The following SRRM2 variants were observed in gnomAD, a reference collection of about 807,000 sequenced individuals.
SRRM2 encodes serine/arginine repetitive matrix 2.
Under a neutral mutation model 213.8 loss-of-function variants are expected in SRRM2, and 30 were observed. The observed-to-expected ratio is 0.14, with a 90% confidence interval of 0.10 to 0.19. SRRM2 has a LOEUF of 0.19. SRRM2 is among the 10% of genes least tolerant of loss of function. The pLI, the probability that SRRM2 is intolerant of heterozygous loss-of-function variation, is 1.00. For synonymous variants in SRRM2, 2,025 were observed against 1,377.7 expected, an observed-to-expected ratio of 1.47 and a Z score of -10.40; for missense variants, 4,904 against 3,647.0, an observed-to-expected ratio of 1.34 and a Z score of -8.88.
rs909424015 is a variant in SRRM2, at chr16:2,769,655, C to T, written c.8021+371C>T. 7.4e-6 allele frequency: 4 copies of T among 541,932 alleles called. No individual in the cohort carries two copies. In the African/African-American group the frequency reaches 7.5e-5, roughly 10 times the overall value. 33.6% of individuals were successfully genotyped at this position (541,932 alleles called of 1,614,324 possible). Reference sequence around the variant, plus strand: ...TCCTCCCTGTCTCCCCGTCTCCACGCCATTCTCTTCCACATGTAGCCAGAG... The same window carrying T: ...TCCTCCCTGTCTCCCCGTCTCCACGTCATTCTCTTCCACATGTAGCCAGAG... On this transcript the variant is annotated intron_variant, in intron 12 of 14. Transcript: ENST00000301740.
In SRRM2 at chr16:2,763,342, T is replaced by G. The variant is rs747578054; in HGVS notation, c.2814T>G (p.Pro938=). 25 of 1,614,020 alleles carry G rather than the reference T, an allele frequency of 1.5e-5. No individual in the cohort carries two copies. The highest frequency in any genetic ancestry group is 2.0e-5 in the Non-Finnish European group (24 of 1,180,040). The change falls in exon 11 of 15, where the codon CCT becomes CCG. Residue 938 remains proline (P), a synonymous_variant. Coordinates refer to ENST00000301740, the MANE Select transcript of SRRM2 (RefSeq NM_016333.4). ...RSHSGSSSPS[P]SRVTSRTTPR... ...ATTCTGGCTCCTCTTCTCCAAGTCC[T>G]AGTAGGGTGACGTCGAGAACAACTC...
Position 2,759,185 on chromosome 16 carries a change from T to A in SRRM2, c.689+13T>A. ...AACGTAAGCATAGGTAAGAGCTCTT[T>A]AACTCATAGGGGGCGCAGTGGCATG... On this transcript the variant is annotated intron_variant, in intron 7 of 14. Transcript: ENST00000301740. The A allele has an allele frequency of 6.2e-7, 1 of 1,614,060 alleles. No individual in the cohort carries two copies. The highest frequency in any genetic ancestry group is 8.5e-7 in the Non-Finnish European group (1 of 1,180,008).
At chr16:2,754,394 A>G (rs1010698008) in intron 1 of SRRM2, among the ~76,000 whole-genome samples, 1 of 152,030 alleles carries the variant, frequency 6.6e-6, no homozygotes, top group Non-Finnish European at 1.5e-5. Context: ...CCCGGGTTCA[A>G]GCGATTCTCC....
rs1424737444 is a variant in SRRM2 at position 2,762,529 on chromosome 16, C to T, written c.2001C>T (p.Gly667=). 3 of 1,613,832 alleles carry T rather than the reference C, an allele frequency of 1.9e-6. No individual in the cohort carries two copies. The highest frequency in any genetic ancestry group is 2.2e-5 in the South Asian group (2 of 91,062). ...RSRSRTPARR[G]RSRSRTPARR... is the part of the protein sequence containing the mutation. The stretch of plus-strand genomic sequence containing the variant: ...GCTCCAGAACCCCAGCCAGACGTGG[C>T]CGCTCACGCTCTAGAACCCCAGCTA... The change falls in exon 11 of 15, where the codon GGC becomes GGT. Residue 667 remains glycine (G), a synonymous_variant. Coordinates refer to ENST00000301740, the MANE Select transcript of SRRM2 (RefSeq NM_016333.4).
chr16:2,762,279 C>T lies in SRRM2; in HGVS notation c.1751C>T (p.Ser584Phe). ...RSRTPARRGRSRSRTPARRRS... is the reference protein window; with the variant it reads ...RSRTPARRGRFRSRTPARRRS... The stretch of plus-strand genomic sequence containing the variant: ...AGAACACCAGCCCGCCGGGGCAGGT[C>T]CCGCTCTAGAACACCTGCCAGGCGG... Residue 584 changes from serine (S) to phenylalanine (F), a missense_variant, in exon 11 of 15, where the codon TCC becomes TTC. Ser to Phe is a radical substitution (Grantham distance 155). Transcript: ENST00000301740. 1 of 1,614,108 alleles carries T rather than the reference C, an allele frequency of 6.2e-7. No individual in the cohort carries two copies. Among genetic ancestry groups the T allele is most frequent in the Non-Finnish European group, 8.5e-7 (1 of 1,180,008 alleles).
At position 2,759,660 on chromosome 16, in the gene SRRM2, C is replaced by A. The variant is rs781222683; in HGVS notation, c.832C>A (p.Arg278=). The A allele has an allele frequency of 6.2e-7, 1 of 1,613,384 alleles. No homozygotes were observed. The highest frequency in any genetic ancestry group is 8.5e-7 in the Non-Finnish European group (1 of 1,179,550). ...SASSSDTSRS[R]SRSAAAKTHT... ...TTCCTCCTCCGATACTTCCCGCAGT[C>A]GGTAAGGGGTAGTCCAGGAGGAAGG... The change falls in exon 9 of 15, where the codon CGG becomes AGG. Residue 278 remains arginine (R), a splice_region_variant and synonymous_variant. Coordinates refer to ENST00000301740, the MANE Select transcript of SRRM2 (RefSeq NM_016333.4).
rs374070040 is a variant in SRRM2 at position 2,760,306 on chromosome 16, G to C, written c.839G>C (p.Arg280Pro). The C allele has an allele frequency of 6.2e-7, 1 of 1,612,998 alleles. No individual in the cohort carries two copies. Among genetic ancestry groups the C allele is most frequent in the Non-Finnish European group, 8.5e-7 (1 of 1,179,894 alleles). The stretch of plus-strand genomic sequence containing the variant: ...TCCTCAATTAACTCCTGCAGGTCTC[G>C]AAGTGCTGCAGCTAAAACTCATACA... ...SSSDTSRSRS[R>P]SAAAKTHTTA... Residue 280 changes from arginine to proline, a missense_variant, in exon 10 of 15, where the codon CGA becomes CCA. Transcript: ENST00000301740.
chr16:2,770,962 T>C lies in SRRM2; in HGVS notation c.*95T>C. ...GAGCCGTGGGAGGGTCCTTGTCTGC[T>C]CTCCTTTGAACCTTGGCAGCCCTTG... is the stretch of plus-strand genomic sequence containing the variant. On this transcript the variant is annotated 3_prime_UTR_variant, in exon 15 of 15. Coordinates refer to ENST00000301740, the MANE Select transcript of SRRM2 (RefSeq NM_016333.4). 2.6e-6 allele frequency: 4 copies of C among 1,536,048 alleles called. No homozygotes were observed. Among genetic ancestry groups the C allele is most frequent in the Non-Finnish European group, 3.6e-6 (4 of 1,120,116 alleles).
At position 2,763,743 on chromosome 16, in the gene SRRM2, C is replaced by T. The variant is rs2068444865; in HGVS notation, c.3215C>T (p.Ser1072Leu). 6.2e-7 allele frequency: 1 copy of T among 1,614,190 alleles called. No individual in the cohort carries two copies. The highest frequency in any genetic ancestry group is 8.5e-7 in the Non-Finnish European group (1 of 1,180,036). The change falls in exon 11 of 15, where the codon TCA (serine) becomes TTA (leucine). Residue 1072 changes from serine to leucine, a missense_variant. By Grantham distance (145) the Ser-to-Leu change is moderately radical. Coordinates refer to ENST00000301740, the MANE Select transcript of SRRM2 (RefSeq NM_016333.4). ...QTSPDHRSDTSSPEVRQSHSE... is the reference protein window; with the variant it reads ...QTSPDHRSDTLSPEVRQSHSE... ...TCACCAGACCACAGATCTGATACTTCAAGTCCAGAAGTGAGACAGAGTCAT... is the reference window on the plus strand; with the variant it reads ...TCACCAGACCACAGATCTGATACTTTAAGTCCAGAAGTGAGACAGAGTCAT...
At position 2,767,906 on chromosome 16, in the gene SRRM2, C is replaced by T. The variant is rs370096638; in HGVS notation, c.7378C>T (p.Arg2460Cys). Residue 2460 changes from arginine to cysteine, a missense_variant, in exon 11 of 15, where the codon CGT becomes TGT. Transcript: ENST00000301740. The part of the protein sequence containing the change: ...PVPSAFSDQS[R>C]CLIAQTTPVA... ...GCCTTCTGCTTTTTCAGACCAATCCCGTTGTTTGATTGCCCAGACCACCCC... is the reference window on the plus strand; with the variant it reads ...GCCTTCTGCTTTTTCAGACCAATCCTGTTGTTTGATTGCCCAGACCACCCC... 55 of 1,614,162 alleles carry T rather than the reference C, an allele frequency of 3.4e-5. No homozygotes were observed. The Middle Eastern group carries it at 1.2e-3, about 34-fold the overall frequency.
Position 2,767,811 on chromosome 16 carries a change from C to A in SRRM2, c.7283C>A (p.Ser2428Tyr). ...ACCTCTGAACGGGCTCCCTCCCCTTCCTCTAGAATGGGCCAGGCTCCTTCA... is the reference window on the plus strand; with the variant it reads ...ACCTCTGAACGGGCTCCCTCCCCTTACTCTAGAATGGGCCAGGCTCCTTCA... ...RMTSERAPSPSSRMGQAPSQS... is the reference protein window; with the variant it reads ...RMTSERAPSPYSRMGQAPSQS... Residue 2428 changes from serine to tyrosine, a missense_variant, in exon 11 of 15, where the codon TCC (serine) becomes TAC (tyrosine). Transcript: ENST00000301740. 1 of 1,614,060 alleles carries A rather than the reference C, an allele frequency of 6.2e-7. No individual in the cohort carries two copies. The highest frequency in any genetic ancestry group is 8.5e-7 in the Non-Finnish European group (1 of 1,180,008).
At chr16:2,759,518 T>G in intron 8 of SRRM2, 51 bp from the exon 9 acceptor site, 1 of 1,608,028 alleles carries the variant, frequency 6.2e-7, no homozygotes. Context: ...GTGAGGAGAA[T>G]CCAGGGCAGG....
chr16:2,761,839 C>T lies in SRRM2; in HGVS notation c.1311C>T (p.Ser437=), dbSNP rs767801669. Residue 437 remains serine (S), a synonymous_variant, in exon 11 of 15, where the codon TCC becomes TCT. Transcript: ENST00000301740. ...AAGTTTCTCGGCATGCCAGCTCTTC[C>T]CCAGAAAGTCCTAAACCTGCTCCAG... ...PTKVSRHASS[S]PESPKPAPAP... The T allele has an allele frequency of 1.9e-6, 3 of 1,613,364 alleles. No homozygotes were observed. Among genetic ancestry groups the T allele is most frequent in the Non-Finnish European group, 2.5e-6 (3 of 1,180,012 alleles).
At chr16:2,758,417 G>T (rs1293571376) in intron 4 of SRRM2, 53 bp from the exon 5 acceptor site, 1 of 1,422,100 alleles carries the variant, frequency 7.0e-7, no homozygotes, top group Non-Finnish European at 9.9e-7. Context: ...TTAAAGAAAA[G>T]AAAGGAATGT....
Position 2,767,465 on chromosome 16 carries a change from G to T in SRRM2, c.6937G>T (p.Gly2313Cys). The T allele has an allele frequency of 6.2e-7, 1 of 1,614,214 alleles. No individual in the cohort carries two copies. Among genetic ancestry groups the T allele is most frequent in the Non-Finnish European group, 8.5e-7 (1 of 1,180,034 alleles). ...TGCCTTGGCAGCTCTGAGTCTCACAGGCTCTGGCACACCACCAACTGCTGC... is the reference window on the plus strand; with the variant it reads ...TGCCTTGGCAGCTCTGAGTCTCACATGCTCTGGCACACCACCAACTGCTGC... ...PAALAALSLTGSGTPPTAANY... is the reference protein window; with the variant it reads ...PAALAALSLTCSGTPPTAANY... Residue 2313 changes from glycine to cysteine, a missense_variant, in exon 11 of 15, where the codon GGC (glycine) becomes TGC (cysteine). By Grantham distance (159) the Gly-to-Cys change is radical. Coordinates refer to ENST00000301740, the MANE Select transcript of SRRM2 (RefSeq NM_016333.4).
At chr16:2,754,137 G>C (rs1322705537) in intron 1 of SRRM2, among the ~76,000 whole-genome samples, 1 of 152,128 alleles carries the variant, frequency 6.6e-6, no homozygotes, top group Non-Finnish European at 1.5e-5. Context: ...GGTGATTTGT[G>C]TGTGGTGTTG....
Position 2,765,820 on chromosome 16 carries a change from G to A in SRRM2, c.5292G>A (p.Ser1764=), listed in dbSNP as rs761990542. ...KTTSRRGRSP[S]PKPRGLQRSR... Reference sequence around the variant, plus strand: ...CCTCAAGGAGAGGCCGCTCTCCTTCGCCAAAGCCTCGTGGACTCCAGAGGT... The same window carrying A: ...CCTCAAGGAGAGGCCGCTCTCCTTCACCAAAGCCTCGTGGACTCCAGAGGT... Residue 1764 remains serine (S), a synonymous_variant, in exon 11 of 15, where the codon TCG becomes TCA. Transcript: ENST00000301740. 1.6e-5 allele frequency: 26 copies of A among 1,613,758 alleles called. No individual in the cohort carries two copies. The highest frequency in any genetic ancestry group is 5.0e-5 in the Admixed American group (3 of 59,984).
At position 2,752,664 on chromosome 16, in the gene SRRM2, G is replaced by A. The variant is rs187061177; in HGVS notation, c.-214G>A. ...TGCTGACGTGCAGCGCGGCCCAGGCGGGGTGCGAGTGGCGCAGTTGGAGCC... is the reference window on the plus strand; with the variant it reads ...TGCTGACGTGCAGCGCGGCCCAGGCAGGGTGCGAGTGGCGCAGTTGGAGCC... On this transcript the variant is annotated 5_prime_UTR_variant, in exon 1 of 15. Coordinates refer to ENST00000301740, the MANE Select transcript of SRRM2 (RefSeq NM_016333.4). 3.0e-5 allele frequency: 8 copies of A among 268,406 alleles called. No individual in the cohort carries two copies. The highest frequency in any genetic ancestry group is 5.3e-5 in the South Asian group (2 of 37,540). 16.6% of individuals were successfully genotyped at this position (268,406 alleles called of 1,614,324 possible). A position where few individuals can be genotyped will look rare whatever the true frequency, so the allele number is the denominator to read the frequency against.
At chr16:2,753,770 C>T (rs997210908) in intron 1 of SRRM2, 4 of 152,158 alleles carry the variant, frequency 2.6e-5, no homozygotes, top group African/African-American at 9.7e-5. Flanking sequence ...AGTGCGTGGG[C>T]TTAGGGCTCT....
Sources: gnomAD v4.1 joint callset for allele counts (sites outside exome capture counted in the v4.1 genomes callset) on GRCh38, gnomAD v4.1.1 for gene constraint, MANE v1.5 for transcripts, NCBI Gene and HGNC (gene_info 2026-07-23, HGNC 2026-07-21) for gene names.